Variants in RBFOX1 observed in about 807,000 individuals in gnomAD.
The protein encoded by RBFOX1 is RNA binding protein fox-1 homolog 1.
Under a neutral mutation model 57.7 loss-of-function variants are expected in RBFOX1, and 8 were observed. That is an observed-to-expected ratio of 0.14 (90% confidence interval 0.08 to 0.25). RBFOX1 has a LOEUF of 0.25. Ranked by LOEUF, RBFOX1 falls within the 10% of genes least tolerant of loss-of-function variation. RBFOX1 has a pLI of 1.00. For synonymous variants in RBFOX1, 326 were observed against 222.4 expected (o/e 1.47, Z -4.15); for missense variants, 611 against 548.5 (o/e 1.11, Z -1.14).
intron 2 of RBFOX1, among the ~76,000 whole-genome samples, chr16:6,549,309 AAGG>A (rs1298983036): frequency 2.4e-4 from 1 of 4,226 alleles, no homozygotes; most frequent in African/African-American, 9.2e-4. Flanking sequence ...GAGGAGGGAA[AAGG>A]AGGAGGGGAG....
intron 3 of RBFOX1, among the ~76,000 whole-genome samples, chr16:6,761,811 C>A (rs1236569334): frequency 6.6e-6 from 1 of 151,854 alleles, no homozygotes; most frequent in Non-Finnish European, 1.5e-5. Flanking sequence ...GGCCCTCTCT[C>A]TCCTTGTTGC....
chr16:6,184,391 C>A (rs2344665), intron 1 of RBFOX1, among the ~76,000 whole-genome samples: 1 of 152,086 alleles, frequency 6.6e-6, no homozygotes, highest in Non-Finnish European at 1.5e-5. Context: ...AGACATTACA[C>A]TCATGGGGGT....
intron 2 of RBFOX1, among the ~76,000 whole-genome samples, chr16:6,319,958 C>T (rs950067556): frequency 2.0e-5 from 3 of 152,116 alleles, no homozygotes; most frequent in African/African-American, 4.8e-5. Context: ...CTAGTGCTAT[C>T]CAATACACCA....
At chr16:5,316,810 G>A (rs1034689158) in intron 1 of RBFOX1, among the ~76,000 whole-genome samples, 1 of 152,202 alleles carries the variant, frequency 6.6e-6, no homozygotes, top group African/African-American at 2.4e-5. Flanking sequence ...GCCGCCGCAG[G>A]TGCATCTCTG....
At chr16:5,313,172 C>T (rs571783462) in intron 1 of RBFOX1, among the ~76,000 whole-genome samples, 115 of 152,312 alleles carry the variant, frequency 7.6e-4, no homozygotes, top group Non-Finnish European at 9.4e-4. Flanking sequence ...GGCAGGGATG[C>T]TCATTACTCA....
intron 1 of RBFOX1, among the ~76,000 whole-genome samples, chr16:6,110,741 C>T (rs2096436686): frequency 1.3e-5 from 2 of 152,056 alleles, no homozygotes; most frequent in Admixed American, 1.3e-4. Flanking sequence ...ACAGTTTTGC[C>T]CCCCGCCAGA....
chr16:7,609,827 G>C (rs185308445), intron 10 of RBFOX1, among the ~76,000 whole-genome samples: 86 of 151,398 alleles, frequency 5.7e-4, no homozygotes, highest in African/African-American at 2.0e-3. Context: ...TTGTTTGTTT[G>C]TTTGTTTTGA....
intron 2 of RBFOX1, among the ~76,000 whole-genome samples, chr16:5,542,244 A>ATTTTTT (rs5815254): frequency 8.2e-6 from 1 of 122,568 alleles, no homozygotes; most frequent in African/African-American, 3.1e-5. Flanking sequence ...ACAGGTATTG[A>ATTTTTT]TTTTTTTTTT....
chr16:5,707,413 T>A (rs1354746575), intron 3 of RBFOX1, among the ~76,000 whole-genome samples: 1 of 152,156 alleles, frequency 6.6e-6, no homozygotes, highest in Non-Finnish European at 1.5e-5. Context: ...GTGCTAGGAA[T>A]GGGGGACATG....
At chr16:6,579,184 G>C (rs1444582231) in intron 2 of RBFOX1, among the ~76,000 whole-genome samples, 4 of 151,950 alleles carry the variant, frequency 2.6e-5, no homozygotes, top group Admixed American at 2.0e-4. Context: ...TTCTGTTTTT[G>C]TTTTGTTTTC....
At chr16:5,509,730 C>T (rs779195779) in intron 2 of RBFOX1, among the ~76,000 whole-genome samples, 1 of 152,100 alleles carries the variant, frequency 6.6e-6, no homozygotes, top group Admixed American at 6.5e-5. Context: ...GGGGCTTGGG[C>T]CAGGCGTGGA....
chr16:7,191,663 T>A (rs563293509), intron 4 of RBFOX1, among the ~76,000 whole-genome samples: 1 of 152,378 alleles, frequency 6.6e-6, no homozygotes, highest in African/African-American at 2.4e-5. Flanking sequence ...AGTGCGTGTT[T>A]CCGTCAGAAG....
intron 4 of RBFOX1, among the ~76,000 whole-genome samples, chr16:5,969,782 T>C (rs2059927375): frequency 6.6e-6 from 1 of 152,060 alleles, no homozygotes; most frequent in Non-Finnish European, 1.5e-5. Context: ...CTCACCACCA[T>C]CACTTTTATT....
At chr16:5,597,709 T>A (rs780344173) in intron 2 of RBFOX1, among the ~76,000 whole-genome samples, 1 of 152,182 alleles carries the variant, frequency 6.6e-6, no homozygotes, top group Non-Finnish European at 1.5e-5. Context: ...CTGACACTTT[T>A]GAGGCAGGAG....
chr16:6,665,420 C>T (rs1430564017), intron 3 of RBFOX1, among the ~76,000 whole-genome samples: 3 of 152,028 alleles, frequency 2.0e-5, no homozygotes, highest in Non-Finnish European at 4.4e-5. Context: ...TGGAGACCAG[C>T]CAGGACAACA....
intron 1 of RBFOX1, among the ~76,000 whole-genome samples, chr16:6,286,576 C>T (rs142086826): frequency 3.3e-5 from 5 of 152,270 alleles, no homozygotes; most frequent in East Asian, 1.9e-4. Flanking sequence ...AGATAGCAGT[C>T]GTCTCCTTAA....
At chr16:5,634,822 A>G (rs1474066281) in intron 3 of RBFOX1, among the ~76,000 whole-genome samples, 1 of 152,204 alleles carries the variant, frequency 6.6e-6, no homozygotes, top group African/African-American at 2.4e-5. Context: ...AATTACCATC[A>G]GCTCTTTGGC....
intron 3 of RBFOX1, among the ~76,000 whole-genome samples, chr16:5,655,867 T>C (rs1354886933): frequency 6.6e-6 from 1 of 152,222 alleles, no homozygotes; most frequent in Non-Finnish European, 1.5e-5. Flanking sequence ...CTTTGCACAC[T>C]GACAATGATT....
rs548024209 is a variant in RBFOX1, at chr16:6,526,308, G to A, written c.-63-128295G>A. On this transcript the variant is annotated intron_variant, in intron 2 of 15. Transcript: ENST00000550418. The stretch of plus-strand genomic sequence containing the variant: ...ATGATTGGGACAAGCGGAGCCATTT[G>A]TCTTTTGCTACATGGGAGAGGTGTT... Among the ~76,000 whole-genome samples the A allele has an allele frequency of 6.6e-5, 10 of 152,288 alleles. No individual in the cohort carries two copies. In the East Asian group the frequency reaches 1.9e-3, roughly 29 times the overall value.
Sources: gnomAD v4.1 joint callset for allele counts (sites outside exome capture counted in the v4.1 genomes callset) on GRCh38, gnomAD v4.1.1 for gene constraint, MANE v1.5 for transcripts, NCBI Gene and HGNC (gene_info 2026-07-23, HGNC 2026-07-21) for gene names.